The following LEPR variants were observed in gnomAD, a reference collection of about 807,000 sequenced individuals.
LEPR encodes the protein leptin receptor.
In LEPR, 56 loss-of-function variants were observed where a neutral mutation model predicts 114.7. The ratio of observed to expected loss-of-function variants is 0.49; its 90% confidence interval spans 0.39 to 0.61. The LOEUF is 0.61. Ranked by LOEUF, LEPR falls within the 20% of genes least tolerant of loss-of-function variation. LEPR has a pLI of 0.00. For synonymous variants in LEPR, 443 were observed against 461.4 expected (o/e 0.96, Z 0.51); for missense variants, 1,202 against 1,352.9 (o/e 0.89, Z 1.75).
At chr1:65,622,790 C>T in intron 18 of LEPR, 116 bp from the exon 19 acceptor site, 2 of 1,026,942 alleles carry the variant, frequency 1.9e-6, no homozygotes, top group South Asian at 2.8e-5. Flanking sequence ...GCATCTGACC[C>T]TACGGAGGCA....
At chr1:65,491,318 C>T (rs980501835) in intron 2 of LEPR, among the ~76,000 whole-genome samples, 13 of 151,964 alleles carry the variant, frequency 8.6e-5, no homozygotes, top group Non-Finnish European at 1.9e-4. Flanking sequence ...GAATACATCA[C>T]GAAGATCAAA....
At chr1:65,455,160 T>C (rs1373504312) in intron 2 of LEPR, among the ~76,000 whole-genome samples, 3 of 152,188 alleles carry the variant, frequency 2.0e-5, no homozygotes, top group African/African-American at 4.8e-5. Flanking sequence ...TTCTCTGTAT[T>C]GGTTATTCTA....
At chr1:65,608,226 A>G (rs1656940787) in intron 11 of LEPR, among the ~76,000 whole-genome samples, 1 of 148,858 alleles carries the variant, frequency 6.7e-6, no homozygotes, top group South Asian at 2.1e-4. Context: ...TGTGTTCAGC[A>G]TGGTATCTTT....
At chr1:65,508,201 ATCTG>A (rs763317181) in intron 2 of LEPR, among the ~76,000 whole-genome samples, 14 of 152,098 alleles carry the variant, frequency 9.2e-5, no homozygotes, top group South Asian at 2.1e-4. Flanking sequence ...ACGCAATCCC[ATCTG>A]TCTATTTTTG....
At chr1:65,501,340 G>C (rs1648439366) in intron 2 of LEPR, among the ~76,000 whole-genome samples, 1 of 151,750 alleles carries the variant, frequency 6.6e-6, no homozygotes, top group African/African-American at 2.4e-5. Flanking sequence ...GGTAGCCTCA[G>C]GCATTCCTTG....
chr1:65,595,789 C>T (rs561877986), intron 6 of LEPR, among the ~76,000 whole-genome samples: 5 of 151,952 alleles, frequency 3.3e-5, no homozygotes, highest in African/African-American at 1.2e-4. Flanking sequence ...ATCACTTTGG[C>T]GATCTTTATA....
chr1:65,435,048 A>G, intron 2 of LEPR: 1 of 985,404 alleles, frequency 1.0e-6, no homozygotes, highest in Non-Finnish European at 1.2e-6. Flanking sequence ...TCTCATTCAC[A>G]GAGAATGGGA....
chr1:65,511,014 C>CA (rs974541952), intron 2 of LEPR, among the ~76,000 whole-genome samples: 24 of 150,848 alleles, frequency 1.6e-4, no homozygotes, highest in East Asian at 3.9e-4. Flanking sequence ...CCCTGTCTCA[C>CA]AAAAAAAACA....
chr1:65,563,591 T>C, intron 2 of LEPR, among the ~76,000 whole-genome samples: 1 of 102,672 alleles, frequency 9.7e-6, no homozygotes, highest in Non-Finnish European at 2.2e-5. Flanking sequence ...GTTCCGTTGC[T>C]GGTGAGGAAC....
At chr1:65,482,686 T>G (rs1454707915) in intron 2 of LEPR, among the ~76,000 whole-genome samples, 1 of 152,134 alleles carries the variant, frequency 6.6e-6, no homozygotes, top group African/African-American at 2.4e-5. Flanking sequence ...ATTCCATGTC[T>G]ATTAAAAATG....
At chr1:65,452,357 A>G (rs1199468095) in intron 2 of LEPR, among the ~76,000 whole-genome samples, 3 of 149,332 alleles carry the variant, frequency 2.0e-5, no homozygotes, top group African/African-American at 7.4e-5. Flanking sequence ...GTCTTGTGCC[A>G]GTTTTCAAAG....
At chr1:65,592,933 T>A in intron 6 of LEPR, 68 bp downstream of exon 6, 1 of 1,547,462 alleles carries the variant, frequency 6.5e-7, no homozygotes, top group South Asian at 1.1e-5. Context: ...TAAAAATTGC[T>A]TACAAAAATA....
intron 2 of LEPR, among the ~76,000 whole-genome samples, chr1:65,520,527 A>G (rs944510699): frequency 6.6e-6 from 1 of 152,204 alleles, no homozygotes; most frequent in Non-Finnish European, 1.5e-5. Context: ...ATCCTAGAAA[A>G]TGTGGCATTC....
intron 2 of LEPR, among the ~76,000 whole-genome samples, chr1:65,530,506 C>T (rs1270658133): frequency 1.3e-5 from 2 of 152,172 alleles, no homozygotes; most frequent in African/African-American, 4.8e-5. Context: ...ATGGCTATTT[C>T]TTGATGATAT....
chr1:65,606,591 T>G (rs1163624388), intron 11 of LEPR, among the ~76,000 whole-genome samples: 1 of 152,110 alleles, frequency 6.6e-6, no homozygotes, highest in Admixed American at 6.6e-5. Context: ...GCATGGGTAT[T>G]GAGGGAATCA....
chr1:65,493,069 G>T (rs1178511652), intron 2 of LEPR, among the ~76,000 whole-genome samples: 1 of 151,892 alleles, frequency 6.6e-6, no homozygotes, highest in Non-Finnish European at 1.5e-5. Flanking sequence ...CTTGCAGTTT[G>T]TTCTGCAGCA....
At chr1:65,505,330 TTGAAA>T (rs1355659659) in intron 2 of LEPR, among the ~76,000 whole-genome samples, 1 of 152,132 alleles carries the variant, frequency 6.6e-6, no homozygotes, top group African/African-American at 2.4e-5. Context: ...TTTCCTCCAA[TTGAAA>T]TGAAAAAAAG....
chr1:65,451,935 G>A (rs1350732433), intron 2 of LEPR, among the ~76,000 whole-genome samples: 106 of 146,328 alleles, frequency 7.2e-4, no homozygotes, highest in South Asian at 1.7e-3. Flanking sequence ...CCATTTGTTT[G>A]TATCCTCTTT....
In LEPR at chr1:65,633,658, T is replaced by C. The variant is rs1031564974; in HGVS notation, c.2674-2533T>C. On this transcript the variant is annotated intron_variant, in intron 19 of 19. Coordinates refer to ENST00000349533, the MANE Select transcript of LEPR (RefSeq NM_002303.6). The surrounding 1 kb of genome is among the most constrained non-coding windows in gnomAD (Gnocchi z 4.1). ...GTTTGTATTTTTATGTCCAAACTTT[T>C]CCATTTTAGATTCCTTTATAGACAC... The C allele has an allele frequency of 5.0e-5, 49 of 986,022 alleles. 1 individual carries two copies. Among genetic ancestry groups the C allele is most frequent in the Non-Finnish European group, 5.4e-5 (45 of 830,410 alleles). The allele number at this position is 986,022 out of a possible 1,614,324, so 61.1% of individuals were successfully genotyped here.
Sources: allele counts gnomAD v4.1 joint callset (sites outside exome capture counted in the v4.1 genomes callset), GRCh38; gene constraint gnomAD v4.1.1; non-coding constraint Gnocchi (gnomAD v3.1); transcripts MANE v1.5; gene names NCBI Gene and HGNC (gene_info 2026-07-23, HGNC 2026-07-21).